The following CLIP1 variants were observed in gnomAD, a reference collection of about 807,000 sequenced individuals.
CLIP1 encodes the protein CAP-Gly domain-containing linker protein 1.
A neutral mutation model predicts 161.6 loss-of-function variants in CLIP1; 66 were observed. The ratio of observed to expected loss-of-function variants is 0.41; its 90% CI spans 0.33 to 0.50. The LOEUF (loss-of-function observed/expected upper bound fraction) is 0.50. Among genes scored for constraint, CLIP1 ranks in the 20% least tolerant of loss-of-function variants. CLIP1 has a pLI of 0.27. For synonymous variants in CLIP1, 598 were observed against 626.2 expected (o/e 0.96, Z 0.67); for missense variants, 1,376 against 1,702.0 (o/e 0.81, Z 3.37).
rs761189727 is a variant in CLIP1 at position 122,377,697 on chromosome 12, T to C, written c.349A>G (p.Ile117Val). ...RYFQCEPLKG[I>V]FTRPSKLTRK... ...GTTAACTTTGAAGGTCGGGTAAATATGCCCTTTAAAGGTTCACACTGGAAA... is the reference window on the plus strand; with the variant it reads ...GTTAACTTTGAAGGTCGGGTAAATACGCCCTTTAAAGGTTCACACTGGAAA... The change falls in exon 3 of 26, where the codon ATA becomes GTA. Residue 117 changes from isoleucine (I) to valine (V), a missense_variant. Physicochemically the swap from Ile to Val is conservative, Grantham distance 29. This residue lies in a region of CLIP1 where 119 missense variants were observed against 112.0 expected (regional missense o/e 1.06). Transcript: ENST00000620786. 1.3e-5 allele frequency: 21 copies of C among 1,613,808 alleles called. No homozygotes were observed. The highest frequency in any genetic ancestry group is 1.7e-5 in the Non-Finnish European group (20 of 1,179,992).
At chr12:122,283,359 C>G (rs73404008) in intron 21 of CLIP1, among the ~76,000 whole-genome samples, 3,798 of 151,146 alleles carry the variant, frequency 0.025, 117 homozygotes, top group South Asian at 0.065. Context: ...GCTTGCAACT[C>G]AATGTTTAAA....
intron 23 of CLIP1, 125 bp downstream of exon 23, chr12:122,278,667 G>T: frequency 2.0e-6 from 2 of 995,858 alleles, no homozygotes; most frequent in Non-Finnish European, 1.5e-6. Flanking sequence ...ATTAAGTGGT[G>T]GAAGAGCTAA....
chr12:122,298,379 C>A (rs959917100), intron 20 of CLIP1, among the ~76,000 whole-genome samples: 4 of 151,992 alleles, frequency 2.6e-5, no homozygotes, highest in Admixed American at 2.6e-4. Context: ...GAGGCCGAGG[C>A]GGGTGGATCA....
intron 3 of CLIP1, among the ~76,000 whole-genome samples, chr12:122,370,121 C>T (rs1484309498): frequency 2.0e-5 from 3 of 150,488 alleles, no homozygotes; most frequent in Non-Finnish European, 2.9e-5. Context: ...CGAAATGGCG[C>T]TGCTGCACTT....
intron 11 of CLIP1, among the ~76,000 whole-genome samples, chr12:122,338,519 C>T (rs7971560): frequency 0.022 from 3,347 of 152,086 alleles, 119 homozygotes; most frequent in African/African-American, 0.077. Flanking sequence ...GAGTTCGAGA[C>T]CACCCTGGCC....
In CLIP1 at chr12:122,278,214, A is replaced by G. The variant is rs1566068554; in HGVS notation, c.3917-11T>C. 7 of 1,461,546 alleles carry G rather than the reference A, an allele frequency of 4.8e-6. No homozygotes were observed. Among genetic ancestry groups the G allele is most frequent in the African/African-American group, 2.1e-5 (1 of 47,456 alleles). 90.5% of individuals were successfully genotyped at this position (1,461,546 alleles called of 1,614,324 possible). Reference sequence around the variant, plus strand: ...GAGTGTCTGTATTACCTTATATTTGAGGAAAAAAAAAAAAAAACAAGTGGA... The same window carrying G: ...GAGTGTCTGTATTACCTTATATTTGGGGAAAAAAAAAAAAAAACAAGTGGA... On this transcript the variant is annotated splice_polypyrimidine_tract_variant and intron_variant, in intron 23 of 25. Coordinates refer to ENST00000620786, the MANE Select transcript of CLIP1 (RefSeq NM_001247997.2).
intron 1 of CLIP1, among the ~76,000 whole-genome samples, chr12:122,390,286 A>ATG (rs1955583640): frequency 7.7e-6 from 1 of 129,182 alleles, no homozygotes; most frequent in African/African-American, 2.9e-5. Context: ...ATACATATAT[A>ATG]TATATATATA....
intron 3 of CLIP1, among the ~76,000 whole-genome samples, chr12:122,367,002 T>C (rs535909559): frequency 6.6e-6 from 1 of 152,186 alleles, no homozygotes; most frequent in African/African-American, 2.4e-5. Flanking sequence ...ACCACACCAT[T>C]CAGAGCAGCA....
intron 8 of CLIP1, among the ~76,000 whole-genome samples, chr12:122,351,654 T>C (rs1247987963): frequency 6.6e-6 from 1 of 152,158 alleles, no homozygotes; most frequent in Non-Finnish European, 1.5e-5. Context: ...AAACTGCATA[T>C]TTGGGAAACG....
At chr12:122,404,928 C>A (rs1162152548) in intron 1 of CLIP1, among the ~76,000 whole-genome samples, 1 of 151,174 alleles carries the variant, frequency 6.6e-6, no homozygotes. Flanking sequence ...AAAAAAAAAC[C>A]AACATGGTGC....
chr12:122,409,123 C>T (rs746659977), intron 1 of CLIP1, among the ~76,000 whole-genome samples: 11 of 142,262 alleles, frequency 7.7e-5, no homozygotes, highest in Admixed American at 2.2e-4. Context: ...TAATATTTTT[C>T]TTTTCTTTTT....
chr12:122,359,968 A>G (rs566226824), intron 5 of CLIP1, among the ~76,000 whole-genome samples: 1 of 152,352 alleles, frequency 6.6e-6, no homozygotes, highest in South Asian at 2.1e-4. Context: ...CCCTAATAAA[A>G]TAACACCTTA....
chr12:122,409,706 ATTT>A (rs1481369882), intron 1 of CLIP1, among the ~76,000 whole-genome samples: 1 of 145,848 alleles, frequency 6.9e-6, no homozygotes, highest in Admixed American at 6.9e-5. Flanking sequence ...TAGTTTTTGT[ATTT>A]TTAGTAGAGA....
At chr12:122,276,517 A>G (rs1050470531) in intron 24 of CLIP1, 2 of 1,276,564 alleles carry the variant, frequency 1.6e-6, no homozygotes, top group Non-Finnish European at 2.0e-6. Flanking sequence ...AAGAGAAGAC[A>G]CTGTTAGTTA....
intron 15 of CLIP1, 51 bp from the exon 16 acceptor site, chr12:122,328,477 A>G: frequency 8.8e-7 from 1 of 1,140,214 alleles, no homozygotes; most frequent in Non-Finnish European, 1.2e-6. Flanking sequence ...GAATGTTTTA[A>G]ATTTAAGTTA....
intron 21 of CLIP1, among the ~76,000 whole-genome samples, chr12:122,285,401 A>G (rs1168826679): frequency 6.6e-6 from 1 of 152,002 alleles, no homozygotes; most frequent in Non-Finnish European, 1.5e-5. Context: ...TAATTTTTGT[A>G]TTTTTAGTAG....
intron 1 of CLIP1, among the ~76,000 whole-genome samples, chr12:122,412,979 T>A (rs954756296): frequency 6.6e-6 from 1 of 152,184 alleles, no homozygotes; most frequent in Non-Finnish European, 1.5e-5. Flanking sequence ...CAGAAACTAG[T>A]CACATGGTTT....
At chr12:122,299,710 A>C (rs1950609257) in intron 20 of CLIP1, among the ~76,000 whole-genome samples, 1 of 149,916 alleles carries the variant, frequency 6.7e-6, no homozygotes, top group African/African-American at 2.5e-5. Context: ...AGGTCAGGAG[A>C]TCGAGACCAT....
At chr12:122,289,642 CAA>C (rs1170080811) in intron 20 of CLIP1, among the ~76,000 whole-genome samples, 4 of 151,892 alleles carry the variant, frequency 2.6e-5, no homozygotes, top group Admixed American at 6.6e-5. Flanking sequence ...ATGTATAAAA[CAA>C]AGAGGTTACA....
Sources: gnomAD v4.1 joint callset for allele counts (sites outside exome capture counted in the v4.1 genomes callset) on GRCh38, gnomAD v4.1.1 for gene constraint, gnomAD v4.1.1 regional missense constraint, MANE v1.5 for transcripts, NCBI Gene and HGNC (gene_info 2026-07-23, HGNC 2026-07-21) for gene names.